The following RIC3 variants were observed in gnomAD, a reference collection of about 807,000 sequenced individuals.
RIC3 encodes the protein RIC3 acetylcholine receptor chaperone, also known as protein RIC-3.
RIC3 carries 28 observed loss-of-function variants against 27.3 expected under a neutral mutation model. The observed-to-expected ratio is 1.02, with a 90% CI of 0.76 to 1.41. The LOEUF (loss-of-function observed/expected upper bound fraction) is 1.41. Among genes scored for constraint, RIC3 ranks in the 40% most tolerant of loss-of-function variants. RIC3 has a pLI of 0.00. For missense variants in RIC3, 501 were observed against 444.7 expected (o/e 1.13, Z -1.14); for synonymous variants, 184 against 160.4 (o/e 1.15, Z -1.11).
chr11:8,101,529 G>A (rs778822103), downstream of RIC3: 1 of 1,614,120 alleles, frequency 6.2e-7, no homozygotes, highest in Non-Finnish European at 8.5e-7. Flanking sequence ...CAGAGGATGT[G>A]TTCACCATGG....
At chr11:8,103,913 A>C (rs996501682), downstream of RIC3, 3 of 152,272 alleles carry the variant, frequency 2.0e-5, no homozygotes, top group African/African-American at 7.2e-5. Context: ...CCTGTAGCAC[A>C]AAGAGGGAGT....
downstream of RIC3, chr11:8,102,603 T>TCC (rs747897617): frequency 6.6e-6 from 1 of 150,574 alleles, no homozygotes; most frequent in Non-Finnish European, 1.5e-5. Flanking sequence ...GAATCTCTCC[T>TCC]CTCTCTCTCT....
chr11:8,147,454 A>G (rs1373230834), intron 1 of RIC3, among the ~76,000 whole-genome samples: 1 of 149,986 alleles, frequency 6.7e-6, no homozygotes, highest in African/African-American at 2.4e-5. Flanking sequence ...AGAAAGAAAG[A>G]AAAAAAAAAG....
At chr11:8,114,102 C>T (rs1774725287) in intron 5 of RIC3, among the ~76,000 whole-genome samples, 2 of 152,182 alleles carry the variant, frequency 1.3e-5, no homozygotes, top group African/African-American at 4.8e-5. Context: ...CTGCAGATCA[C>T]ACCAAATGGC....
chr11:8,120,093 G>A (rs910652893), intron 5 of RIC3, among the ~76,000 whole-genome samples: 16 of 152,218 alleles, frequency 1.1e-4, no homozygotes, highest in African/African-American at 3.9e-4. Flanking sequence ...CTGTTGGTGG[G>A]AGTGCAAATT....
the RIC3 span, chr11:8,094,117 A>G: frequency 6.2e-7 from 1 of 1,614,182 alleles, no homozygotes; most frequent in Admixed American, 1.7e-5. Flanking sequence ...TTCAGCCAAG[A>G]GAACCAAGGC....
At chr11:8,112,316 G>T (rs1268613543) in intron 5 of RIC3, among the ~76,000 whole-genome samples, 1 of 146,172 alleles carries the variant, frequency 6.8e-6, no homozygotes, top group Non-Finnish European at 1.5e-5. Flanking sequence ...TTGAGACGGA[G>T]TCTCGCTCTG....
chr11:8,112,214 T>TC (rs1945348112), intron 5 of RIC3, among the ~76,000 whole-genome samples: 1 of 152,296 alleles, frequency 6.6e-6, no homozygotes, highest in East Asian at 1.9e-4. Context: ...CATAATATCT[T>TC]CACTCATAAT....
At chr11:8,153,528 T>C in intron 1 of RIC3, 1 of 358,994 alleles carries the variant, frequency 2.8e-6, no homozygotes, top group Admixed American at 3.7e-5. Context: ...CTATGGCACA[T>C]TACTCTTCTC....
intron 1 of RIC3, among the ~76,000 whole-genome samples, chr11:8,154,280 T>A (rs76025375): frequency 1.3e-5 from 2 of 152,188 alleles, no homozygotes; most frequent in Non-Finnish European, 2.9e-5. Flanking sequence ...TCAGAATGCG[T>A]GCTTTTAGAT....
the RIC3 span, chr11:8,097,233 A>G: frequency 6.2e-7 from 1 of 1,614,052 alleles, no homozygotes; most frequent in Non-Finnish European, 8.5e-7. Context: ...CATAGGAGGC[A>G]GCCTCAGCCC....
intron 4 of RIC3, among the ~76,000 whole-genome samples, chr11:8,130,455 T>C (rs1947554927): frequency 6.6e-6 from 1 of 152,166 alleles, no homozygotes; most frequent in African/African-American, 2.4e-5. Flanking sequence ...GTTCCTTTGA[T>C]ATTATGAGCT....
intron 1 of RIC3, among the ~76,000 whole-genome samples, chr11:8,141,022 C>T (rs1948994887): frequency 6.7e-6 from 1 of 148,828 alleles, no homozygotes; most frequent in Non-Finnish European, 1.5e-5. Flanking sequence ...AAAAGAGCTC[C>T]TGAAGGAAGC....
Position 8,109,921 on chromosome 11 carries a change from A to C in RIC3, c.*777T>G, listed in dbSNP as rs1262516822. The C allele has an allele frequency of 2.0e-5, 3 of 152,582 alleles. No homozygotes were observed. The highest frequency in any genetic ancestry group is 2.0e-4 in the Admixed American group (3 of 15,304). The allele number at this position is 152,582 out of a possible 1,614,324, so 9.5% of individuals were successfully genotyped here. ...CTGCAGGGCAGGGTCTAAAGTCTCT[A>C]TCTAAAGCTTCCTCTGTCCACTGAA... is the stretch of plus-strand genomic sequence containing the variant. On this transcript the variant is annotated 3_prime_UTR_variant, in exon 6 of 6. Coordinates refer to ENST00000309737, the MANE Select transcript of RIC3 (RefSeq NM_001206671.4).
chr11:8,100,848 G>A, the RIC3 span: 77 of 1,614,002 alleles, frequency 4.8e-5, no homozygotes, highest in Middle Eastern at 1.6e-4. Context: ...CTGCTAGCAC[G>A]CTGGCAGAAT....
intron 1 of RIC3, 139 bp from the exon 2 acceptor site, chr11:8,140,332 A>G: frequency 1.4e-6 from 1 of 711,496 alleles, no homozygotes; most frequent in Non-Finnish European, 2.3e-6. Context: ...AAAAGGATAC[A>G]GAGGTATCAC....
At chr11:8,097,451 A>C in the RIC3 span, 2 of 1,614,070 alleles carry the variant, frequency 1.2e-6, no homozygotes, top group Non-Finnish European at 1.7e-6. Context: ...GCATGTTATC[A>C]TCTAGGCTTT....
chr11:8,128,397 G>C, intron 4 of RIC3: 1 of 377,886 alleles, frequency 2.6e-6, no homozygotes, highest in Non-Finnish European at 5.2e-6. Context: ...GAACAGACAA[G>C]AGCTTTCCCA....
downstream of RIC3, chr11:8,103,842 A>C (rs763890049): frequency 6.6e-6 from 1 of 152,460 alleles, no homozygotes; most frequent in African/African-American, 2.4e-5. Context: ...GGTGAGACGG[A>C]GACCCCGGTG....
Sources: allele counts gnomAD v4.1 joint callset (sites outside exome capture counted in the v4.1 genomes callset), GRCh38; gene constraint gnomAD v4.1.1; transcripts MANE v1.5; gene names NCBI Gene and HGNC (gene_info 2026-07-23, HGNC 2026-07-21).